SPAG16: variants seen among roughly 807,000 people sequenced by gnomAD.
SPAG16 encodes sperm-associated antigen 16 protein.
A neutral mutation model predicts 80.4 loss-of-function variants in SPAG16; 86 were observed. The observed-to-expected ratio is 1.07, with a 90% CI of 0.90 to 1.28. The LOEUF is 1.28. Ranked by LOEUF, SPAG16 falls within the 50% of genes most tolerant of loss-of-function variation. The pLI, the probability that SPAG16 is intolerant of heterozygous loss-of-function variation, is 0.00. For synonymous variants in SPAG16, 294 were observed against 265.9 expected (o/e 1.11, Z -1.03); for missense variants, 870 against 765.3 (o/e 1.14, Z -1.61).
At chr2:213,840,320 G>A (rs1334515621) in intron 10 of SPAG16, among the ~76,000 whole-genome samples, 2 of 152,124 alleles carry the variant, frequency 1.3e-5, no homozygotes, top group Non-Finnish European at 2.9e-5. Flanking sequence ...TGTTCAGTTA[G>A]CTGGATAAGA....
At chr2:213,336,747 G>A (rs2064384231) in intron 5 of SPAG16, among the ~76,000 whole-genome samples, 1 of 152,168 alleles carries the variant, frequency 6.6e-6, no homozygotes, top group South Asian at 2.1e-4. Flanking sequence ...ATCCCTGAGA[G>A]GAGCCACTAG....
chr2:213,555,423 G>T (rs374276949), intron 10 of SPAG16, among the ~76,000 whole-genome samples: 14 of 152,226 alleles, frequency 9.2e-5, no homozygotes, highest in African/African-American at 3.4e-4. Context: ...CATTTCCCCT[G>T]CTTGCACTCA....
At chr2:213,934,134 G>A (rs2078890383) in intron 12 of SPAG16, among the ~76,000 whole-genome samples, 1 of 152,192 alleles carries the variant, frequency 6.6e-6, no homozygotes. Context: ...CTCCTCTGGG[G>A]GACAGCCATG....
chr2:213,869,026 C>T (rs568426003), intron 11 of SPAG16, among the ~76,000 whole-genome samples: 17 of 151,342 alleles, frequency 1.1e-4, no homozygotes, highest in East Asian at 3.9e-4. Flanking sequence ...CTGAGGCAGG[C>T]GGATCACCTG....
At chr2:213,583,561 C>T (rs527757396) in intron 10 of SPAG16, among the ~76,000 whole-genome samples, 46 of 152,168 alleles carry the variant, frequency 3.0e-4, no homozygotes, top group African/African-American at 1.1e-3. Context: ...GAAGACTAAA[C>T]ATAAAGAGAT....
chr2:213,405,422 A>C (rs2068559504), intron 9 of SPAG16, among the ~76,000 whole-genome samples: 2 of 152,232 alleles, frequency 1.3e-5, no homozygotes, highest in South Asian at 4.1e-4. Context: ...TAATGATCAA[A>C]TCTGGGTAAA....
intron 12 of SPAG16, among the ~76,000 whole-genome samples, chr2:214,000,169 C>A (rs1235265741): frequency 6.6e-6 from 1 of 152,178 alleles, no homozygotes; most frequent in Non-Finnish European, 1.5e-5. Flanking sequence ...ACCCACATCT[C>A]ATCTTGAATT....
intron 9 of SPAG16, among the ~76,000 whole-genome samples, chr2:213,426,832 T>TACACAC (rs1201370364): frequency 1.5e-5 from 1 of 65,268 alleles, no homozygotes; most frequent in Admixed American, 1.9e-4. Context: ...ATTATTCTGA[T>TACACAC]ACATACACAC....
At chr2:214,271,314 T>A (rs1271644168) in intron 15 of SPAG16, among the ~76,000 whole-genome samples, 2 of 152,150 alleles carry the variant, frequency 1.3e-5, no homozygotes, top group Admixed American at 6.6e-5. Context: ...TATTTTAAAA[T>A]TTTTCCCCAT....
intron 13 of SPAG16, among the ~76,000 whole-genome samples, chr2:214,037,864 G>GGTATGTGTGTGTGT (rs374110237): frequency 9.0e-5 from 12 of 133,704 alleles, no homozygotes; most frequent in African/African-American, 3.2e-4. Flanking sequence ...CCAGAAGCCT[G>GGTATGTGTGTGTGT]GTGTGTGTGT....
chr2:214,339,669 A>T (rs1052099262), intron 15 of SPAG16, among the ~76,000 whole-genome samples: 4 of 152,216 alleles, frequency 2.6e-5, no homozygotes, highest in African/African-American at 9.6e-5. Flanking sequence ...CATTTCCTGC[A>T]AAATAAACTT....
rs144186451 is a variant in SPAG16, at chr2:214,328,033, A to T, written c.1721-82107A>T. Among the ~76,000 whole-genome samples the T allele has an allele frequency of 2.2e-3, 333 of 152,286 alleles. 2 individuals carry two copies. Among genetic ancestry groups the T allele is most frequent in the African/African-American group, 7.7e-3 (320 of 41,564 alleles). On this transcript the variant is annotated intron_variant, in intron 15 of 15. Coordinates refer to ENST00000331683, the MANE Select transcript of SPAG16 (RefSeq NM_024532.5). ...ATGTTCCTAGAGGCTCTATGATAGG[A>T]TCCAGTTTATAAATAAAAAATAAAG...
chr2:214,081,216 G>A (rs1365017589), intron 13 of SPAG16, among the ~76,000 whole-genome samples: 2 of 151,948 alleles, frequency 1.3e-5, no homozygotes. Context: ...CATACTTCCA[G>A]AAGTAGGATC....
chr2:213,732,779 G>A (rs1397293329), intron 10 of SPAG16, among the ~76,000 whole-genome samples: 1 of 152,174 alleles, frequency 6.6e-6, no homozygotes, highest in African/African-American at 2.4e-5. Flanking sequence ...TCTCCTTGAA[G>A]ATAAGCACTT....
At chr2:213,972,550 G>T (rs896592109) in intron 12 of SPAG16, among the ~76,000 whole-genome samples, 8 of 152,096 alleles carry the variant, frequency 5.3e-5, no homozygotes, top group Non-Finnish European at 2.9e-5. Context: ...CAGTGAGTTG[G>T]GTGGTGCCCA....
chr2:214,229,896 G>A (rs77750627), intron 15 of SPAG16, among the ~76,000 whole-genome samples: 2,107 of 151,920 alleles, frequency 0.014, 46 homozygotes, highest in Admixed American at 0.057. Flanking sequence ...CATAACAAGT[G>A]TCAGCAAAAT....
chr2:213,510,573 A>G (rs2075184059), intron 10 of SPAG16, among the ~76,000 whole-genome samples: 1 of 152,184 alleles, frequency 6.6e-6, no homozygotes, highest in Non-Finnish European at 1.5e-5. Flanking sequence ...GTAACTGGAA[A>G]CAACTTTAAC....
Position 214,280,116 on chromosome 2 carries a change from C to A in SPAG16, c.1721-130024C>A, listed in dbSNP as rs61037020. Among the ~76,000 whole-genome samples, 6 of 152,154 alleles carry A rather than the reference C, an allele frequency of 3.9e-5. No individual in the cohort carries two copies. The East Asian group carries it at 1.2e-3, about 29-fold the overall frequency. On this transcript the variant is annotated intron_variant, in intron 15 of 15. Transcript: ENST00000331683. ...ATAGCAGAAAGGAAAGTATAAATAG[C>A]AGGACAGAAATGATCAAATAGAGAT...
At chr2:214,195,636 TG>T (rs2057814282) in intron 15 of SPAG16, among the ~76,000 whole-genome samples, 1 of 152,032 alleles carries the variant, frequency 6.6e-6, no homozygotes, top group Admixed American at 6.6e-5. Context: ...CTTGGCTTTC[TG>T]GCTTGATCCA....
Sources: allele counts gnomAD v4.1 joint callset (sites outside exome capture counted in the v4.1 genomes callset), GRCh38; gene constraint gnomAD v4.1.1; transcripts MANE v1.5; gene names NCBI Gene and HGNC (gene_info 2026-07-23, HGNC 2026-07-21).